SHD: variants seen among roughly 807,000 people sequenced by gnomAD.
SHD encodes the protein Src homology 2 domain containing transforming protein D, also known as SH2 domain-containing adapter protein D.
Under a neutral mutation model 31.2 loss-of-function variants are expected in SHD, and 29 were observed. That is an observed-to-expected ratio of 0.93 (90% CI 0.69 to 1.27). The LOEUF (loss-of-function observed/expected upper bound fraction) is 1.27, where lower values mean the gene tolerates loss of function less well. Ranked by LOEUF, SHD falls within the 50% of genes most tolerant of loss-of-function variation. SHD has a pLI of 0.00. For missense variants in SHD, 520 were observed against 453.8 expected (o/e 1.15, Z -1.33); for synonymous variants, 208 against 187.8 (o/e 1.11, Z -0.88).
intron 3 of SHD, 195 bp from the exon 4 acceptor site, chr19:4,284,586 C>T (rs568329044): frequency 2.0e-6 from 1 of 490,938 alleles, no homozygotes; most frequent in South Asian, 6.2e-5. Context: ...TATAAATGAC[C>T]GCACCTATTT....
chr19:4,280,292 C>T lies in SHD; in HGVS notation c.229C>T (p.Arg77Trp), dbSNP rs776043166. ...GDAKYGSPKH[R>W]LIKVEAADMA... ...TGCCAAGTATGGTTCTCCCAAGCACCGGCTCATCAAGGTGGAGGCTGCGGA... is the reference window on the plus strand; with the variant it reads ...TGCCAAGTATGGTTCTCCCAAGCACTGGCTCATCAAGGTGGAGGCTGCGGA... Residue 77 changes from arginine to tryptophan, a missense_variant, in exon 1 of 6, where the codon CGG becomes TGG. By Grantham distance (101) the Arg-to-Trp change is moderately radical. Coordinates refer to ENST00000543264, the MANE Select transcript of SHD (RefSeq NM_020209.4). 2.7e-5 allele frequency: 44 copies of T among 1,610,908 alleles called. 2 individuals carry two copies. In the South Asian group the frequency reaches 4.6e-4, roughly 17 times the overall value.
rs1971238647 is a variant in SHD, at chr19:4,279,914, AG to A, written c.-149del. 1 of 929,454 alleles carries A rather than the reference AG, an allele frequency of 1.1e-6. No individual in the cohort carries two copies. Among genetic ancestry groups the A allele is most frequent in the Non-Finnish European group, 1.6e-6 (1 of 629,888 alleles). The allele number at this position is 929,454 out of a possible 1,614,324, so 57.6% of individuals were successfully genotyped here. A position where few individuals can be genotyped will look rare whatever the true frequency, so the allele number is the denominator to read the frequency against. ...CTTTTCCTTCCCTCTATCCATCCAG[AG>A]CCCCGCCAAAGGGCGCACCTGATCT... is the stretch of plus-strand genomic sequence containing the variant. On this transcript the variant is annotated 5_prime_UTR_variant, in exon 1 of 6. Transcript: ENST00000543264. This position sits in a 1 kb window ranked among gnomAD's most constrained non-coding sequence, Gnocchi z 7.5.
Position 4,290,481 on chromosome 19 carries a change from C to A in SHD, c.871C>A (p.Arg291=). The A allele has an allele frequency of 6.2e-7, 1 of 1,613,114 alleles. No homozygotes were observed. The highest frequency in any genetic ancestry group is 8.5e-7 in the Non-Finnish European group (1 of 1,179,816). The change falls in exon 6 of 6, where the codon CGG becomes AGG. Residue 291 remains arginine, a synonymous_variant. Coordinates refer to ENST00000543264, the MANE Select transcript of SHD (RefSeq NM_020209.4). ...GGGCTTCCTGCATCTGAAGTTCGCG[C>A]GGACCCGTGAGAACCAGGTGGTGCT... The part of the protein sequence containing the change: ...SQGFLHLKFA[R]TRENQVVLGQ...
rs1357920379 is a variant in SHD at position 4,288,258 on chromosome 19, C to A, written c.732C>A (p.Pro244=). Residue 244 remains proline, a synonymous_variant, in exon 5 of 6, where the codon CCC becomes CCA. Transcript: ENST00000543264. ...TACTCGCTAGGTGGTTTCATGGCCC[C>A]CTGAACAGGGCGGATGCAGAGAGCC... ...PLEKQPWFHG[P]LNRADAESLL... is the part of the protein sequence containing the mutation. 3 of 1,613,660 alleles carry A rather than the reference C, an allele frequency of 1.9e-6. No homozygotes were observed. The Admixed American group carries it at 5.0e-5, about 27-fold the overall frequency.
At chr19:4,286,712 A>C (rs1444043880) in intron 4 of SHD, among the ~76,000 whole-genome samples, 2 of 151,140 alleles carry the variant, frequency 1.3e-5, no homozygotes, top group African/African-American at 2.4e-5. Flanking sequence ...ATCCTGGCCA[A>C]CATGGTGAAA....
rs755011637 is a variant in SHD at position 4,288,296 on chromosome 19, G to C, written c.770G>C (p.Cys257Ser). ...RADAESLLSL[C>S]KEGSYLVRLS... is the part of the protein sequence containing the mutation. The stretch of plus-strand genomic sequence containing the variant: ...GATGCAGAGAGCCTCCTGTCCCTCT[G>C]CAAGGAAGGCAGCTACCTAGTGCGG... The change falls in exon 5 of 6, where the codon TGC becomes TCC. Residue 257 changes from cysteine to serine, a missense_variant. By Grantham distance (112) the Cys-to-Ser change is moderately radical (BLOSUM62 -1). Transcript: ENST00000543264. 1.9e-5 allele frequency: 30 copies of C among 1,613,832 alleles called. No individual in the cohort carries two copies. The highest frequency in any genetic ancestry group is 2.5e-5 in the Non-Finnish European group (30 of 1,179,942).
At chr19:4,284,987 C>G in intron 4 of SHD, 83 bp downstream of exon 4, 1 of 1,365,210 alleles carries the variant, frequency 7.3e-7, no homozygotes, top group Admixed American at 2.7e-5. Flanking sequence ...TTTTTCGTTT[C>G]CCAGATTAGA....
At chr19:4,282,083 G>A (rs1012385990) in intron 1 of SHD, among the ~76,000 whole-genome samples, 5 of 152,124 alleles carry the variant, frequency 3.3e-5, no homozygotes, top group Non-Finnish European at 5.9e-5. Context: ...CGCTGTCTGC[G>A]AGCACTTTTG....
Position 4,289,559 on chromosome 19 carries a change from ATTAT to A in SHD, c.837-865_837-862del, listed in dbSNP as rs1187225392. On this transcript the variant is annotated intron_variant, in intron 5 of 5. Coordinates refer to ENST00000543264, the MANE Select transcript of SHD (RefSeq NM_020209.4). ...CTGCACCTGGCCTCTTATTATTATT[ATTAT>A]TTATTTATTTATTTATTTATTTTTT... 6.9e-4 allele frequency among the ~76,000 whole-genome samples: 102 copies of A among 146,832 alleles called. 1 individual carries two copies. The highest frequency in any genetic ancestry group is 2.4e-3 in the African/African-American group (95 of 39,584).
chr19:4,282,124 A>G (rs1245812057), intron 1 of SHD, among the ~76,000 whole-genome samples: 1 of 152,130 alleles, frequency 6.6e-6, no homozygotes, highest in East Asian at 1.9e-4. Context: ...ACCCCCAAAA[A>G]GAACTCTTGG....
chr19:4,282,031 G>A (rs1971261292), intron 1 of SHD, among the ~76,000 whole-genome samples: 1 of 152,216 alleles, frequency 6.6e-6, no homozygotes, highest in East Asian at 1.9e-4. Context: ...TGTCTGTGCT[G>A]GGGAAATGGG....
Position 4,286,905 on chromosome 19 carries a change from A to T in SHD, c.717-1338A>T, listed in dbSNP as rs1420618342. ...AAATAAAACAAAAAAACATTAAGAA[A>T]GGGGCTGGGTAAGGTGGCTCATGGA... On this transcript the variant is annotated intron_variant, in intron 4 of 5. Transcript: ENST00000543264. Among the ~76,000 whole-genome samples, 8 of 151,724 alleles carry T rather than the reference A, an allele frequency of 5.3e-5. No individual in the cohort carries two copies. In the East Asian group the frequency reaches 1.6e-3, roughly 30 times the overall value.
intron 3 of SHD, 195 bp from the exon 4 acceptor site, chr19:4,284,586 C>G (rs568329044): frequency 2.0e-6 from 1 of 490,942 alleles, no homozygotes; most frequent in Non-Finnish European, 3.3e-6. Flanking sequence ...TATAAATGAC[C>G]GCACCTATTT....
In SHD at chr19:4,280,114, T is replaced by A; in HGVS notation, c.51T>A (p.Pro17=). Residue 17 remains proline, a synonymous_variant, in exon 1 of 6, where the codon CCT becomes CCA. Coordinates refer to ENST00000543264, the MANE Select transcript of SHD (RefSeq NM_020209.4). ...DYLSFGGRRP[P]PQPPTPDYTE... ...TGAGCTTTGGGGGTCGGAGGCCCCC[T>A]CCGCAGCCGCCCACCCCGGACTACA... The A allele has an allele frequency of 6.2e-7, 1 of 1,612,356 alleles. No homozygotes were observed. The highest frequency in any genetic ancestry group is 8.5e-7 in the Non-Finnish European group (1 of 1,179,576).
At chr19:4,289,706 G>A (rs1971356623) in intron 5 of SHD, among the ~76,000 whole-genome samples, 1 of 151,108 alleles carries the variant, frequency 6.6e-6, no homozygotes, top group Non-Finnish European at 1.5e-5. Context: ...GAGTAGCTGG[G>A]ACTACAGGCG....
chr19:4,280,715 A>G (rs973121072), intron 1 of SHD, among the ~76,000 whole-genome samples: 4 of 151,884 alleles, frequency 2.6e-5, no homozygotes, highest in African/African-American at 9.7e-5. Flanking sequence ...TTCAGTAGAG[A>G]CTGGTTTCAC....
In SHD at chr19:4,280,171, G is replaced by A. The variant is rs374398630; in HGVS notation, c.108G>A (p.Ala36=). 25 of 1,613,814 alleles carry A rather than the reference G, an allele frequency of 1.5e-5. No individual in the cohort carries two copies. Among genetic ancestry groups the A allele is most frequent in the Non-Finnish European group, 2.1e-5 (25 of 1,179,982 alleles). The part of the protein sequence containing the change: ...TESDILRAYR[A]QKNLDFEDPY... ...GCGACATCCTGAGGGCCTACCGCGC[G>A]CAGAAGAACCTGGACTTCGAGGACC... Residue 36 remains alanine, a synonymous_variant, in exon 1 of 6, where the codon GCG becomes GCA. Coordinates refer to ENST00000543264, the MANE Select transcript of SHD (RefSeq NM_020209.4).
At chr19:4,289,430 C>T (rs1971353673) in intron 5 of SHD, among the ~76,000 whole-genome samples, 1 of 151,048 alleles carries the variant, frequency 6.6e-6, no homozygotes. Flanking sequence ...ATTCTTAGTA[C>T]AGACAGGGTT....
At chr19:4,282,608 C>T (rs995366387) in intron 1 of SHD, among the ~76,000 whole-genome samples, 1 of 151,630 alleles carries the variant, frequency 6.6e-6, no homozygotes, top group Admixed American at 6.6e-5. Flanking sequence ...CCCAGCTACT[C>T]GGGAGGCTGA....
Sources: gnomAD v4.1 joint callset for allele counts (sites outside exome capture counted in the v4.1 genomes callset) on GRCh38, gnomAD v4.1.1 for gene constraint, Gnocchi (gnomAD v3.1) non-coding constraint, MANE v1.5 for transcripts, NCBI Gene and HGNC (gene_info 2026-07-23, HGNC 2026-07-21) for gene names.